DYNAP: variants seen among roughly 807,000 people sequenced by gnomAD.
The protein encoded by DYNAP is dynactin-associated protein.
In DYNAP, 7 loss-of-function variants were observed where a neutral mutation model predicts 8.5. That is an observed-to-expected ratio of 0.82 (90% confidence interval 0.47 to 1.54). DYNAP has a LOEUF of 1.54. Ranked by LOEUF, DYNAP falls within the 40% of genes most tolerant of loss-of-function variation. The pLI is 0.01. For synonymous variants in DYNAP, 77 were observed against 77.9 expected (o/e 0.99, Z 0.06); for missense variants, 256 against 224.3 (o/e 1.14, Z -0.90).
In DYNAP at chr18:54,598,803, G is replaced by C. The variant is rs143933060; in HGVS notation, c.*658G>C. The C allele has an allele frequency of 8.5e-5, 13 of 152,232 alleles. No homozygotes were observed. Among genetic ancestry groups the C allele is most frequent in the African/African-American group, 2.9e-4 (12 of 41,554 alleles). The allele number at this position is 152,232 out of a possible 1,614,324, so 9.4% of individuals were successfully genotyped here. A position where few individuals can be genotyped will look rare whatever the true frequency, so the allele number is the denominator to read the frequency against. Reference sequence around the variant, plus strand: ...CCTTCCTTTCTTTCCAGATCCAGGAGATAATCAACTAAGAGCCAGGCACCC... The same window carrying C: ...CCTTCCTTTCTTTCCAGATCCAGGACATAATCAACTAAGAGCCAGGCACCC... On this transcript the variant is annotated 3_prime_UTR_variant, in exon 3 of 3. Transcript: ENST00000648945.
At position 54,598,080 on chromosome 18, in the gene DYNAP, TCAACAGCTA is replaced by T. The variant is rs747731019; in HGVS notation, c.493_501del (p.Thr165_Thr167del). On this transcript the variant is annotated inframe_deletion, in exon 3 of 3. Coordinates refer to ENST00000648945, the MANE Select transcript of DYNAP (RefSeq NM_173629.3). ...AAGTACAGCCACTGAATCTACAACT[TCAACAGCTA>T]CAGCTGCCACCACTTCCACAGAACC... 114 of 1,612,946 alleles carry T rather than the reference TCAACAGCTA, an allele frequency of 7.1e-5. No individual in the cohort carries two copies. Among genetic ancestry groups the T allele is most frequent in the Middle Eastern group, 4.9e-4 (3 of 6,076 alleles).
upstream of DYNAP, among the ~76,000 whole-genome samples, chr18:54,590,863 G>A (rs1911041369): frequency 6.6e-6 from 1 of 152,144 alleles, no homozygotes; most frequent in Admixed American, 6.6e-5. Flanking sequence ...GTACCTAAGA[G>A]GTGGTGCCAA....
the DYNAP span, among the ~76,000 whole-genome samples, chr18:54,578,335 C>T: frequency 8.5e-5 from 13 of 152,270 alleles, no homozygotes; most frequent in African/African-American, 2.4e-4. Context: ...GATTGGTTTT[C>T]GTGTTACTTA....
At chr18:54,591,142 T>C (rs1176453679), upstream of DYNAP, 5 of 1,450,700 alleles carry the variant, frequency 3.4e-6, no homozygotes, top group Non-Finnish European at 4.6e-6. Flanking sequence ...AATTAGTATT[T>C]AGTTTAATCC....
upstream of DYNAP, among the ~76,000 whole-genome samples, chr18:54,588,355 G>A (rs575611847): frequency 1.2e-4 from 18 of 152,004 alleles, no homozygotes; most frequent in South Asian, 1.2e-3. Flanking sequence ...ACAGGCATCC[G>A]TCATCATGCC....
intron 1 of DYNAP, among the ~76,000 whole-genome samples, chr18:54,593,663 A>G (rs1451936): frequency 0.8 from 121,174 of 152,074 alleles, 48,531 homozygotes; most frequent in Middle Eastern, 0.91. Context: ...AGAAGCTCAT[A>G]CTTACAATGC....
chr18:54,588,782 T>TG (rs1487336613), upstream of DYNAP, among the ~76,000 whole-genome samples: 9 of 152,204 alleles, frequency 5.9e-5, no homozygotes, highest in African/African-American at 2.2e-4. Flanking sequence ...AATTGTGTTG[T>TG]GAAAAAAATA....
At chr18:54,588,022 T>C (rs1052459460), upstream of DYNAP, among the ~76,000 whole-genome samples, 11 of 152,198 alleles carry the variant, frequency 7.2e-5, no homozygotes, top group Non-Finnish European at 1.3e-4. Context: ...GAACATTCTC[T>C]TTGATTGAAC....
the DYNAP span, among the ~76,000 whole-genome samples, chr18:54,580,656 ACTATTTCCATAGCTACTC>A: frequency 6.6e-6 from 1 of 152,210 alleles, no homozygotes; most frequent in Non-Finnish European, 1.5e-5. Context: ...GTTATCTTTG[ACTATTTCCATAGCTACTC>A]GTAAGATAAA....
upstream of DYNAP, chr18:54,587,933 T>C (rs1398178067): frequency 1.0e-5 from 4 of 400,234 alleles, no homozygotes; most frequent in Non-Finnish European, 1.3e-5. Flanking sequence ...TTTTATTCTG[T>C]AGAAGTTGTT....
At chr18:54,587,216 C>T (rs73472942), upstream of DYNAP, among the ~76,000 whole-genome samples, 277 of 152,030 alleles carry the variant, frequency 1.8e-3, no homozygotes, top group Non-Finnish European at 2.9e-3. Context: ...TTTTCCAGCA[C>T]GATGAGAATA....
At chr18:54,583,660 A>G (rs1568238583), upstream of DYNAP, among the ~76,000 whole-genome samples, 1 of 152,172 alleles carries the variant, frequency 6.6e-6, no homozygotes, top group Non-Finnish European at 1.5e-5. Flanking sequence ...AAATAAAATA[A>G]CAATAAAATT....
chr18:54,595,859 T>C (rs929569478), intron 2 of DYNAP, among the ~76,000 whole-genome samples: 6 of 152,118 alleles, frequency 3.9e-5, no homozygotes, highest in Non-Finnish European at 5.9e-5. Context: ...AGAGACTCAG[T>C]AGAGAGCCTC....
Position 54,595,155 on chromosome 18 carries a change from G to A in DYNAP, c.222+52G>A. 8 of 1,504,758 alleles carry A rather than the reference G, an allele frequency of 5.3e-6. No homozygotes were observed. The South Asian group carries it at 1.1e-4, about 21-fold the overall frequency. The allele number at this position is 1,504,758 out of a possible 1,614,324, so 93.2% of individuals were successfully genotyped here. On this transcript the variant is annotated intron_variant, in intron 2 of 2. Coordinates refer to ENST00000648945, the MANE Select transcript of DYNAP (RefSeq NM_173629.3). ...TCAAGTTGGGATGTGCTCTATATGG[G>A]CATGTACTTTGCCTATTCTTTCCCA...
At chr18:54,591,489 T>G (rs1250262665) in intron 1 of DYNAP, 150 bp downstream of exon 1, 14 of 854,894 alleles carry the variant, frequency 1.6e-5, no homozygotes, top group Non-Finnish European at 2.3e-5. Flanking sequence ...TATCAATTTT[T>G]GTGCTGTAAC....
upstream of DYNAP, among the ~76,000 whole-genome samples, chr18:54,585,532 G>A (rs1211788172): frequency 1.3e-5 from 2 of 151,896 alleles, no homozygotes; most frequent in Non-Finnish European, 2.9e-5. Flanking sequence ...CCTTCTCTCT[G>A]TCCATCCATG....
At chr18:54,586,551 A>G (rs1910886823), upstream of DYNAP, among the ~76,000 whole-genome samples, 1 of 152,198 alleles carries the variant, frequency 6.6e-6, no homozygotes, top group African/African-American at 2.4e-5. Context: ...ATGTCATCAG[A>G]ATCTCTAAAG....
intron 1 of DYNAP, among the ~76,000 whole-genome samples, chr18:54,593,015 G>A (rs369142611): frequency 6.6e-6 from 1 of 152,102 alleles, no homozygotes; most frequent in Non-Finnish European, 1.5e-5. Context: ...ATAAGCAAGG[G>A]TATTAACAAA....
intron 2 of DYNAP, among the ~76,000 whole-genome samples, chr18:54,597,360 C>G (rs1911338133): frequency 6.6e-6 from 1 of 151,906 alleles, no homozygotes; most frequent in Non-Finnish European, 1.5e-5. Flanking sequence ...AGAGTGTACA[C>G]CAACAAGAGT....
Sources: allele counts gnomAD v4.1 joint callset (sites outside exome capture counted in the v4.1 genomes callset), GRCh38; gene constraint gnomAD v4.1.1; transcripts MANE v1.5; gene names NCBI Gene and HGNC (gene_info 2026-07-23, HGNC 2026-07-21).